RASEF: variants seen among roughly 807,000 people sequenced by gnomAD.
RASEF encodes the protein ras and EF-hand domain-containing protein.
Under a neutral mutation model 90.1 loss-of-function variants are expected in RASEF, and 68 were observed. The ratio of observed to expected loss-of-function variants is 0.75; its 90% CI spans 0.62 to 0.92. The LOEUF (loss-of-function observed/expected upper bound fraction) is 0.92. Ranked by LOEUF, RASEF falls within the 40% of genes least tolerant of loss-of-function variation. RASEF has a pLI of 0.00. For missense variants in RASEF, 949 were observed against 937.2 expected (o/e 1.01, Z -0.16); for synonymous variants, 331 against 345.2 (o/e 0.96, Z 0.46).
chr9:83,069,997 T>TTAAA, the RASEF span, among the ~76,000 whole-genome samples: 2 of 152,210 alleles, frequency 1.3e-5, no homozygotes, highest in African/African-American at 2.4e-5. Context: ...CTTTTTATTG[T>TTAAA]GTCATTTTAT....
the RASEF span, among the ~76,000 whole-genome samples, chr9:83,108,549 T>G: frequency 6.6e-6 from 1 of 152,138 alleles, no homozygotes; most frequent in Non-Finnish European, 1.5e-5. Context: ...TCTGAGAGAA[T>G]CCAATGAAGG....
At chr9:83,137,160 T>C in the RASEF span, among the ~76,000 whole-genome samples, 2 of 152,138 alleles carry the variant, frequency 1.3e-5, no homozygotes, top group African/African-American at 4.8e-5. Flanking sequence ...AAACAATTCT[T>C]CCTTCTTTCA....
intron 1 of RASEF, among the ~76,000 whole-genome samples, chr9:83,056,259 A>G (rs1385870155): frequency 6.6e-6 from 1 of 152,212 alleles, no homozygotes; most frequent in Non-Finnish European, 1.5e-5. Flanking sequence ...AAGAAATCCT[A>G]TGTGTCATAG....
chr9:83,214,242 G>C, the RASEF span, among the ~76,000 whole-genome samples: 1 of 152,136 alleles, frequency 6.6e-6, no homozygotes, highest in African/African-American at 2.4e-5. Flanking sequence ...AAATTAGCCA[G>C]GCATGTTGGT....
chr9:83,024,671 C>T (rs1310572901), intron 2 of RASEF, among the ~76,000 whole-genome samples: 1 of 152,122 alleles, frequency 6.6e-6, no homozygotes, highest in Non-Finnish European at 1.5e-5. Context: ...ATAAGAAATC[C>T]CTTGTGAATA....
At chr9:83,057,589 T>G (rs1830123135) in intron 1 of RASEF, among the ~76,000 whole-genome samples, 1 of 151,892 alleles carries the variant, frequency 6.6e-6, no homozygotes, top group South Asian at 2.1e-4. Flanking sequence ...CCAGAAAAGG[T>G]AAAGAAACTT....
the RASEF span, among the ~76,000 whole-genome samples, chr9:83,132,344 G>A: frequency 3.3e-5 from 5 of 152,134 alleles, no homozygotes; most frequent in Non-Finnish European, 5.9e-5. Flanking sequence ...ATGGCAGGAA[G>A]ACAGATGACC....
chr9:83,137,045 T>C, the RASEF span, among the ~76,000 whole-genome samples: 2 of 152,130 alleles, frequency 1.3e-5, no homozygotes, highest in Non-Finnish European at 2.9e-5. Flanking sequence ...GATTTTTATA[T>C]GTACTTCTTT....
chr9:83,126,081 A>T, the RASEF span, among the ~76,000 whole-genome samples: 3 of 152,216 alleles, frequency 2.0e-5, no homozygotes, highest in Non-Finnish European at 4.4e-5. Context: ...CTTAGCATTC[A>T]TATCCCTTGT....
chr9:83,144,161 AG>A, the RASEF span, among the ~76,000 whole-genome samples: 1 of 151,716 alleles, frequency 6.6e-6, no homozygotes, highest in Non-Finnish European at 1.5e-5. Flanking sequence ...GAAGGGAGAA[AG>A]GGGAGTAAGG....
At chr9:83,198,078 A>G in the RASEF span, among the ~76,000 whole-genome samples, 2 of 152,204 alleles carry the variant, frequency 1.3e-5, no homozygotes, top group Admixed American at 1.3e-4. Context: ...TGCCTAGAAC[A>G]AAATAACTTA....
chr9:83,093,145 T>C, the RASEF span, among the ~76,000 whole-genome samples: 1 of 152,080 alleles, frequency 6.6e-6, no homozygotes, highest in Non-Finnish European at 1.5e-5. Flanking sequence ...TTGAGCTAGA[T>C]ACAGAGTGCC....
the RASEF span, among the ~76,000 whole-genome samples, chr9:83,135,129 T>C: frequency 1.1e-4 from 17 of 151,988 alleles, no homozygotes; most frequent in African/African-American, 3.9e-4. Context: ...CAGGATTTCT[T>C]TGGGGTAGTG....
At chr9:83,017,704 T>G (rs984557371) in intron 3 of RASEF, among the ~76,000 whole-genome samples, 4 of 152,234 alleles carry the variant, frequency 2.6e-5, no homozygotes, top group Non-Finnish European at 4.4e-5. Context: ...CAACTCATTC[T>G]AGGAGACCAG....
rs12552146 is a variant in RASEF at position 83,025,223 on chromosome 9, G to T, written c.578+552C>A. 6.9e-3 allele frequency among the ~76,000 whole-genome samples: 1,054 copies of T among 152,256 alleles called. 39 individuals carry two copies. The highest frequency in any genetic ancestry group is 0.049 in the Admixed American group (754 of 15,284). On this transcript the variant is annotated intron_variant, in intron 2 of 16. Transcript: ENST00000376447. Reference sequence around the variant, plus strand: ...TTGGCTTTCAGTTCAAAGGGGGAGGGCCAAGTGAGGAGGGCTAGAGAGTAG... The same window carrying T: ...TTGGCTTTCAGTTCAAAGGGGGAGGTCCAAGTGAGGAGGGCTAGAGAGTAG...
At chr9:83,104,583 G>T in the RASEF span, among the ~76,000 whole-genome samples, 4 of 152,002 alleles carry the variant, frequency 2.6e-5, no homozygotes, top group Admixed American at 2.6e-4. Context: ...TATACGTGGT[G>T]GTATCCGTCC....
At chr9:83,144,383 GAAAGAAAGGAAA>G in the RASEF span, among the ~76,000 whole-genome samples, 20 of 20,276 alleles carry the variant, frequency 9.9e-4, no homozygotes, top group Non-Finnish European at 1.3e-3. Flanking sequence ...AAGAAAGAAA[GAAAGAAAGGAAA>G]GAAAGAAAGA....
chr9:83,032,844 A>C (rs1056695209), intron 1 of RASEF, among the ~76,000 whole-genome samples: 1 of 152,222 alleles, frequency 6.6e-6, no homozygotes, highest in Non-Finnish European at 1.5e-5. Context: ...TCATAAGATT[A>C]ACATTTTACT....
chr9:83,133,092 A>G, the RASEF span, among the ~76,000 whole-genome samples: 1 of 152,220 alleles, frequency 6.6e-6, no homozygotes, highest in Non-Finnish European at 1.5e-5. Context: ...TCTTCTGACT[A>G]TCTTACTTTC....
Sources: allele counts gnomAD v4.1 joint callset (sites outside exome capture counted in the v4.1 genomes callset), GRCh38; gene constraint gnomAD v4.1.1; transcripts MANE v1.5; gene names NCBI Gene and HGNC (gene_info 2026-07-23, HGNC 2026-07-21).